The following GLRA2 variants were observed in gnomAD, a reference collection of about 807,000 sequenced individuals.
The protein encoded by GLRA2 is glycine receptor subunit alpha-2.
In GLRA2, 11 loss-of-function variants were observed where a neutral mutation model predicts 31.6. That is an observed-to-expected ratio of 0.35 (90% CI 0.22 to 0.58). GLRA2 has a LOEUF of 0.58. Ranked by LOEUF, GLRA2 falls within the 20% of genes least tolerant of loss-of-function variation. The pLI is 0.84. For synonymous variants in GLRA2, 132 were observed against 134.0 expected, an observed-to-expected ratio of 0.99 and a Z score of 0.10; for missense variants, 212 against 351.8, an observed-to-expected ratio of 0.60 and a Z score of 3.18.
In GLRA2 at chrX:14,673,690, C is replaced by G. The variant is rs184793474; in HGVS notation, c.931-17020C>G. On this transcript the variant is annotated intron_variant, in intron 7 of 8. Coordinates refer to ENST00000218075, the MANE Select transcript of GLRA2 (RefSeq NM_002063.4). ...TTTCCAAATAACAGTTATTAAACTT[C>G]CCTCTTTTATTTCCTTGCTTGTAAG... Among the ~76,000 whole-genome samples, 380 of 112,386 alleles carry G rather than the reference C, an allele frequency of 3.4e-3. 2 individuals are homozygous for G. Among genetic ancestry groups the G allele is most frequent in the Non-Finnish European group, 5.7e-3 (306 of 53,264 alleles).
chrX:14,620,539 A>C (rs1165821619), intron 7 of GLRA2, among the ~76,000 whole-genome samples: 2 of 110,982 alleles, frequency 1.8e-5, no homozygotes, highest in Non-Finnish European at 3.8e-5. Flanking sequence ...CTATCTGTGC[A>C]TTTGAATCTA....
chrX:14,460,745 C>T, the GLRA2 span, among the ~76,000 whole-genome samples: 2,511 of 111,507 alleles, frequency 0.023, 65 homozygotes, highest in African/African-American at 0.078. Flanking sequence ...TGATTCTTCT[C>T]TTTTCCTCTT....
At chrX:14,460,493 A>G in the GLRA2 span, among the ~76,000 whole-genome samples, 1 of 111,877 alleles carries the variant, frequency 8.9e-6, no homozygotes, top group African/African-American at 3.3e-5. Context: ...CTGTGCATCC[A>G]TCTGGTCCTG....
intron 8 of GLRA2, among the ~76,000 whole-genome samples, chrX:14,712,159 T>C (rs370890311): frequency 2.2e-4 from 25 of 112,998 alleles, no homozygotes; most frequent in African/African-American, 8.0e-4. Flanking sequence ...ATTATAGTCA[T>C]TTGTCTGTAT....
the GLRA2 span, among the ~76,000 whole-genome samples, chrX:14,496,070 T>C: frequency 1.8e-5 from 2 of 111,466 alleles, no homozygotes; most frequent in East Asian, 5.7e-4. Flanking sequence ...TGAAATATTT[T>C]AGCATGGGCG....
At chrX:14,451,355 G>T in the GLRA2 span, among the ~76,000 whole-genome samples, 1 of 110,852 alleles carries the variant, frequency 9.0e-6, no homozygotes, top group Non-Finnish European at 1.9e-5. Context: ...AGTGGGCTGG[G>T]TGTGGTAGCT....
At chrX:14,622,702 C>T (rs1444963374) in intron 7 of GLRA2, among the ~76,000 whole-genome samples, 1 of 111,554 alleles carries the variant, frequency 9.0e-6, no homozygotes, top group Admixed American at 9.5e-5. Context: ...TGTTCTGTTC[C>T]ATTGGTCTAT....
chrX:14,606,715 G>A lies in GLRA2; in HGVS notation c.578-416G>A, dbSNP rs185221269. 5.4e-5 allele frequency among the ~76,000 whole-genome samples: 6 copies of A among 111,536 alleles called. No individual in the cohort carries two copies. The East Asian group carries it at 1.7e-3, about 32-fold the overall frequency. ...ATTCATTCTCATTTAAAAAAAGAAT[G>A]GTTTTCATTTAAAGTACTGACTGGC... is the stretch of plus-strand genomic sequence containing the variant. On this transcript the variant is annotated intron_variant, in intron 5 of 8. Coordinates refer to ENST00000218075, the MANE Select transcript of GLRA2 (RefSeq NM_002063.4).
chrX:14,660,057 CA>C (rs2090976744), intron 7 of GLRA2, among the ~76,000 whole-genome samples: 1 of 111,272 alleles, frequency 9.0e-6, no homozygotes, highest in Non-Finnish European at 1.9e-5. Flanking sequence ...TATATTCCAT[CA>C]GGGGGAGACA....
chrX:14,515,877 T>C, the GLRA2 span, among the ~76,000 whole-genome samples: 2 of 111,873 alleles, frequency 1.8e-5, no homozygotes, highest in Admixed American at 9.5e-5. Context: ...AAGAAAAACC[T>C]TGAGATGTGT....
At chrX:14,608,580 A>T (rs1199817019) in intron 6 of GLRA2, among the ~76,000 whole-genome samples, 1 of 110,187 alleles carries the variant, frequency 9.1e-6, no homozygotes, top group African/African-American at 3.3e-5. Context: ...AGTATATGCT[A>T]TTAATATATA....
At chrX:14,591,989 C>T (rs2090150269) in intron 4 of GLRA2, among the ~76,000 whole-genome samples, 1 of 111,570 alleles carries the variant, frequency 9.0e-6, no homozygotes, top group Non-Finnish European at 1.9e-5. Context: ...TTTACTGTAT[C>T]TCCCAGGATC....
chrX:14,665,645 C>G (rs2091031601), intron 7 of GLRA2, among the ~76,000 whole-genome samples: 2 of 111,414 alleles, frequency 1.8e-5, no homozygotes, highest in Non-Finnish European at 3.8e-5. Flanking sequence ...GTGGATAATA[C>G]AGAAATAGGT....
At chrX:14,656,178 A>C (rs1355329357) in intron 7 of GLRA2, among the ~76,000 whole-genome samples, 1 of 112,126 alleles carries the variant, frequency 8.9e-6, no homozygotes, top group Non-Finnish European at 1.9e-5. Context: ...ACTTCTAAAA[A>C]AATATCAAAG....
intron 7 of GLRA2, among the ~76,000 whole-genome samples, chrX:14,688,086 G>T (rs1160483699): frequency 8.9e-6 from 1 of 111,829 alleles, no homozygotes; most frequent in Non-Finnish European, 1.9e-5. Flanking sequence ...TGTTTGCCTG[G>T]GTATCAGCAG....
chrX:14,581,041 G>T, intron 3 of GLRA2, 142 bp from the exon 4 acceptor site: 1 of 444,617 alleles, frequency 2.2e-6, no homozygotes. Flanking sequence ...GAACTAAATG[G>T]TTTATTTTGA....
chrX:14,608,949 T>C (rs1420679857), intron 6 of GLRA2, 42 bp from the exon 7 acceptor site: 2 of 608,237 alleles, frequency 3.3e-6, no homozygotes, highest in Non-Finnish European at 5.5e-6. Flanking sequence ...ATTGGAAATA[T>C]AAATTCAGGC....
At chrX:14,569,032 A>T (rs1413970240) in intron 2 of GLRA2, among the ~76,000 whole-genome samples, 1 of 111,958 alleles carries the variant, frequency 8.9e-6, no homozygotes, top group Admixed American at 9.4e-5. Flanking sequence ...AGGCAGGCAG[A>T]TCCCTTGAGG....
the GLRA2 span, among the ~76,000 whole-genome samples, chrX:14,459,377 A>G: frequency 9.0e-6 from 1 of 110,902 alleles, no homozygotes; most frequent in Non-Finnish European, 1.9e-5. Context: ...GTTCCATATG[A>G]ACTTTAAAGT....
Sources: gnomAD v4.1 joint callset for allele counts (sites outside exome capture counted in the v4.1 genomes callset) on GRCh38, gnomAD v4.1.1 for gene constraint, MANE v1.5 for transcripts, NCBI Gene and HGNC (gene_info 2026-07-23, HGNC 2026-07-21) for gene names.